The following PCNX1 variants were observed in gnomAD, a reference collection of about 807,000 sequenced individuals.
PCNX1 encodes pecanex-like protein 1.
In PCNX1, 78 loss-of-function variants were observed where a neutral mutation model predicts 242.2. The observed-to-expected ratio is 0.32, with a 90% CI of 0.27 to 0.39. PCNX1 has a LOEUF of 0.39. PCNX1 is among the 10% of genes least tolerant of loss of function. The pLI, the probability that PCNX1 is intolerant of heterozygous loss-of-function variation, is 1.00. For synonymous variants in PCNX1, 1,024 were observed against 1,032.9 expected, an observed-to-expected ratio of 0.99 and a Z score of 0.17; for missense variants, 2,581 against 2,856.5, an observed-to-expected ratio of 0.90 and a Z score of 2.20.
chr14:71,035,909 T>TA (rs2140975141), intron 18 of PCNX1, among the ~76,000 whole-genome samples, 156 bp from the exon 19 acceptor site: 2 of 152,092 alleles, frequency 1.3e-5, no homozygotes, highest in South Asian at 4.1e-4. Context: ...CTAGAAGTGT[T>TA]AAAGTATCAA....
At chr14:70,965,058 A>G (rs1348226669) in intron 3 of PCNX1, among the ~76,000 whole-genome samples, 1 of 152,180 alleles carries the variant, frequency 6.6e-6, no homozygotes, top group East Asian at 1.9e-4. Flanking sequence ...CATATTTTAT[A>G]TAAATTTGTT....
At chr14:70,941,340 C>G (rs1381579143) in intron 1 of PCNX1, among the ~76,000 whole-genome samples, 1 of 152,112 alleles carries the variant, frequency 6.6e-6, no homozygotes, top group East Asian at 2.0e-4. Context: ...TGTTAGTTTT[C>G]CTTCTAACAG....
Position 71,016,785 on chromosome 14 carries a change from A to G in PCNX1, c.2997-2224A>G, listed in dbSNP as rs543463302. 2.6e-5 allele frequency among the ~76,000 whole-genome samples: 4 copies of G among 152,328 alleles called. No individual in the cohort carries two copies. In the South Asian group the frequency reaches 6.2e-4, roughly 24 times the overall value. ...CTAGATTAGAAAAGAAAGGTCTCAA[A>G]TCAGTGACTTCACCTTCCACTTGCT... On this transcript the variant is annotated intron_variant, in intron 11 of 35. Coordinates refer to ENST00000304743, the MANE Select transcript of PCNX1 (RefSeq NM_014982.3).
intron 2 of PCNX1, among the ~76,000 whole-genome samples, chr14:70,949,042 A>T (rs2057608155): frequency 6.8e-6 from 1 of 146,870 alleles, no homozygotes. Context: ...ATATATACAC[A>T]TGTATATATA....
rs1367281344 is a variant in PCNX1 at position 71,113,926 on chromosome 14, CAT to C, written c.*3995_*3996del. The C allele has an allele frequency of 6.6e-6, 1 of 151,992 alleles. No homozygotes were observed. The highest frequency in any genetic ancestry group is 1.5e-5 in the Non-Finnish European group (1 of 67,992). The allele number at this position is 151,992 out of a possible 1,614,324, so 9.4% of individuals were successfully genotyped here. ...GTATTCTTTTTCTGTGTAATGTAATCATATAAAGTTACTTTGGACAGAGACCC... is the reference window on the plus strand; with the variant it reads ...GTATTCTTTTTCTGTGTAATGTAATCATAAAGTTACTTTGGACAGAGACCC... On this transcript the variant is annotated 3_prime_UTR_variant, in exon 36 of 36. Transcript: ENST00000304743.
At position 71,057,651 on chromosome 14, in the gene PCNX1, C is replaced by T. The variant is rs768977898; in HGVS notation, c.4779C>T (p.Leu1593=). The change falls in exon 26 of 36, where the codon CTC becomes CTT. Residue 1593 remains leucine (L), a synonymous_variant. Transcript: ENST00000304743. ...GDCFILASDY[L]NALVHLIEIG... ...GTTTCATCCTTGCCTCTGACTATCT[C>T]AATGCATTAGTACACCTTATAGAGA... 1.9e-6 allele frequency: 3 copies of T among 1,613,874 alleles called. No homozygotes were observed. Among genetic ancestry groups the T allele is most frequent in the Admixed American group, 1.7e-5 (1 of 60,006 alleles).
At position 70,977,297 on chromosome 14, in the gene PCNX1, G is replaced by A. The variant is rs137987767; in HGVS notation, c.960G>A (p.Lys320=). Residue 320 remains lysine (K), a synonymous_variant, in exon 6 of 36, where the codon AAG becomes AAA. Transcript: ENST00000304743. ...CAGTTAGTGAGTTAGAATCTTCCAAGCCTCTTTCTGGATCCAAAGAATCCT... is the reference window on the plus strand; with the variant it reads ...CAGTTAGTGAGTTAGAATCTTCCAAACCTCTTTCTGGATCCAAAGAATCCT... ...LDPVSELESS[K]PLSGSKESLV... is the part of the protein sequence containing the mutation. 31 of 1,614,056 alleles carry A rather than the reference G, an allele frequency of 1.9e-5. No individual in the cohort carries two copies. The highest frequency in any genetic ancestry group is 2.5e-5 in the Non-Finnish European group (30 of 1,180,036).
chr14:70,975,009 G>A (rs2058652386), intron 5 of PCNX1, among the ~76,000 whole-genome samples: 1 of 152,094 alleles, frequency 6.6e-6, no homozygotes, highest in South Asian at 2.1e-4. Flanking sequence ...AAGTTTGGCT[G>A]TGTCTTTTAA....
At chr14:71,075,815 G>A (rs2061703734) in intron 27 of PCNX1, among the ~76,000 whole-genome samples, 1 of 152,070 alleles carries the variant, frequency 6.6e-6, no homozygotes, top group African/African-American at 2.4e-5. Context: ...GAACCCAGGA[G>A]ATAGAGGTTG....
intron 19 of PCNX1, among the ~76,000 whole-genome samples, chr14:71,036,742 C>G (rs17108941): frequency 6.6e-6 from 1 of 152,018 alleles, no homozygotes; most frequent in Admixed American, 6.6e-5. Flanking sequence ...ATTTCTGATT[C>G]GATTTTAATA....
In PCNX1 at chr14:70,977,543, T is replaced by C. The variant is rs754054779; in HGVS notation, c.1206T>C (p.Ser402=). ...ACAGTACTGTCAGCAGCTATAAAAG[T>C]GAGCAGACCAGCTCAACTCACATAG... ...DTNSTVSSYK[S]EQTSSTHIES... is the part of the protein sequence containing the mutation. The change falls in exon 6 of 36, where the codon AGT becomes AGC. Residue 402 remains serine, a synonymous_variant. Coordinates refer to ENST00000304743, the MANE Select transcript of PCNX1 (RefSeq NM_014982.3). 2 of 1,614,096 alleles carry C rather than the reference T, an allele frequency of 1.2e-6. No individual in the cohort carries two copies. The highest frequency in any genetic ancestry group is 2.2e-5 in the South Asian group (2 of 91,090).
chr14:70,932,657 G>A (rs12883791), intron 1 of PCNX1, among the ~76,000 whole-genome samples: 3 of 151,736 alleles, frequency 2.0e-5, no homozygotes, highest in African/African-American at 4.8e-5. Flanking sequence ...TTGTTGCCCA[G>A]GCTGGAATGC....
intron 6 of PCNX1, among the ~76,000 whole-genome samples, chr14:70,979,125 G>T (rs2058764139): frequency 6.6e-6 from 1 of 152,076 alleles, no homozygotes; most frequent in African/African-American, 2.4e-5. Flanking sequence ...TGTACATTGA[G>T]AATTGTGGCT....
chr14:71,036,212 T>C, intron 19 of PCNX1, 55 bp downstream of exon 19: 1 of 1,114,534 alleles, frequency 9.0e-7, no homozygotes, highest in Non-Finnish European at 1.4e-6. Flanking sequence ...AGGGTCTCAC[T>C]CTGTCACCCA....
intron 16 of PCNX1, chr14:71,032,103 A>C (rs2060403319): frequency 5.0e-6 from 3 of 601,896 alleles, no homozygotes; most frequent in Admixed American, 2.5e-5. Context: ...CTGAGAAAGC[A>C]GGTCGCTCAA....
In PCNX1 at chr14:71,103,651, T is replaced by G; in HGVS notation, c.6077T>G (p.Ile2026Arg). The change falls in exon 32 of 36, where the codon ATA becomes AGA. Residue 2026 changes from isoleucine (I) to arginine (R), a missense_variant. Ile to Arg is a moderately conservative substitution (Grantham distance 97). This residue lies in a region of PCNX1 where 432 missense variants were observed against 433.6 expected (regional missense o/e 1.00). Coordinates refer to ENST00000304743, the MANE Select transcript of PCNX1 (RefSeq NM_014982.3). ...AGCTTGGGAAATATCAGGAACTTCA[T>G]AGTGTCAACCTGGCACAGGTGAGCC... Reference protein sequence around the residue: ...PISLGNIRNFIVSTWHRLRKG... With the variant: ...PISLGNIRNFRVSTWHRLRKG... The G allele has an allele frequency of 1.2e-6, 2 of 1,614,040 alleles. No individual in the cohort carries two copies. The highest frequency in any genetic ancestry group is 2.2e-5 in the East Asian group (1 of 44,878).
At chr14:71,095,500 C>G (rs562534200) in intron 30 of PCNX1, among the ~76,000 whole-genome samples, 1 of 152,230 alleles carries the variant, frequency 6.6e-6, no homozygotes, top group Admixed American at 6.5e-5. Flanking sequence ...TTAAACATTG[C>G]TCAATAATAA....
chr14:71,005,392 C>T (rs941857245), intron 8 of PCNX1, among the ~76,000 whole-genome samples: 3 of 151,988 alleles, frequency 2.0e-5, no homozygotes, highest in Non-Finnish European at 2.9e-5. Context: ...CCTGCAGCCC[C>T]AGCTACTCAG....
rs1176333994 is a variant in PCNX1, at chr14:71,029,377, G to GT, written c.3558+587dup. ...ATTTTTGTTTTTTGTTTGGCGACTA[G>GT]TGCAAGACAATCAGAGAATGGTAGG... On this transcript the variant is annotated intron_variant, in intron 16 of 35. Transcript: ENST00000304743. Among the ~76,000 whole-genome samples the GT allele has an allele frequency of 2.0e-5, 3 of 152,288 alleles. No individual in the cohort carries two copies. In the East Asian group the frequency reaches 5.8e-4, roughly 29 times the overall value.
Sources: gnomAD v4.1 joint callset for allele counts (sites outside exome capture counted in the v4.1 genomes callset) on GRCh38, gnomAD v4.1.1 for gene constraint, gnomAD v4.1.1 regional missense constraint, MANE v1.5 for transcripts, NCBI Gene and HGNC (gene_info 2026-07-23, HGNC 2026-07-21) for gene names.